Variants in CADPS2 observed in about 807,000 individuals in gnomAD.
CADPS2 encodes the protein calcium dependent secretion activator 2.
Under a neutral mutation model 172.5 loss-of-function variants are expected in CADPS2, and 93 were observed. The ratio of observed to expected loss-of-function variants is 0.54; its 90% CI spans 0.46 to 0.64. CADPS2 has a LOEUF of 0.64. CADPS2 is among the 30% of genes least tolerant of loss of function. CADPS2 has a pLI of 0.00. For missense variants in CADPS2, 1,420 were observed against 1,565.9 expected, an observed-to-expected ratio of 0.91 and a Z score of 1.57; for synonymous variants, 546 against 555.2, an observed-to-expected ratio of 0.98 and a Z score of 0.23.
intron 19 of CADPS2, among the ~76,000 whole-genome samples, chr7:122,408,558 G>C (rs1378741212): frequency 6.6e-6 from 1 of 152,034 alleles, no homozygotes; most frequent in Non-Finnish European, 1.5e-5. Flanking sequence ...CCAAGTAGCT[G>C]GGACCACAGA....
At chr7:122,347,679 G>A (rs575267633) in intron 27 of CADPS2, among the ~76,000 whole-genome samples, 8 of 152,188 alleles carry the variant, frequency 5.3e-5, no homozygotes, top group African/African-American at 1.9e-4. Flanking sequence ...ATTCTCATGA[G>A]CAATGTTTGA....
At chr7:122,335,036 T>G (rs769273127) in intron 28 of CADPS2, among the ~76,000 whole-genome samples, 1 of 152,084 alleles carries the variant, frequency 6.6e-6, no homozygotes. Flanking sequence ...TCCTATTGAG[T>G]AATTGTGACA....
intron 14 of CADPS2, among the ~76,000 whole-genome samples, chr7:122,461,460 T>C (rs1214185103): frequency 6.6e-6 from 1 of 151,994 alleles, no homozygotes; most frequent in Non-Finnish European, 1.5e-5. Flanking sequence ...AAGAAATCCA[T>C]ACAAAGAAAC....
At chr7:122,709,715 C>T (rs142770306) in intron 2 of CADPS2, among the ~76,000 whole-genome samples, 5 of 151,894 alleles carry the variant, frequency 3.3e-5, no homozygotes, top group Non-Finnish European at 5.9e-5. Context: ...CACCATGGAA[C>T]ACTATGCAGC....
rs1488935992 is a variant in CADPS2 at position 122,653,004 on chromosome 7, G to T, written c.786+10233C>A. 2.0e-5 allele frequency among the ~76,000 whole-genome samples: 3 copies of T among 152,106 alleles called. No homozygotes were observed. The South Asian group carries it at 6.2e-4, about 32-fold the overall frequency. On this transcript the variant is annotated intron_variant, in intron 3 of 29. Transcript: ENST00000449022. ...AGCCTTTTTCAGAAGAGAGTTTCCT[G>T]TTTTTCCACTCCTGATGCTAATCCT...
intron 3 of CADPS2, among the ~76,000 whole-genome samples, chr7:122,631,688 T>C (rs529069478): frequency 8.9e-6 from 1 of 112,042 alleles, no homozygotes; most frequent in Non-Finnish European, 1.9e-5. Context: ...CACTACATTG[T>C]CTTTTCTTTT....
At chr7:122,575,410 C>A (rs1282572939) in intron 7 of CADPS2, among the ~76,000 whole-genome samples, 2 of 150,878 alleles carry the variant, frequency 1.3e-5, no homozygotes, top group Non-Finnish European at 3.0e-5. Context: ...AGGAAATGTT[C>A]AATTCTTTTT....
At chr7:122,763,618 A>G (rs2093459356) in intron 1 of CADPS2, among the ~76,000 whole-genome samples, 1 of 152,166 alleles carries the variant, frequency 6.6e-6, no homozygotes, top group Non-Finnish European at 1.5e-5. Flanking sequence ...ATTTTAATTC[A>G]TAGTGCTTGG....
intron 14 of CADPS2, among the ~76,000 whole-genome samples, chr7:122,470,485 T>C (rs909851530): frequency 1.3e-5 from 2 of 151,850 alleles, no homozygotes; most frequent in African/African-American, 2.4e-5. Flanking sequence ...CAGATTTTTA[T>C]TTATTTTTTA....
intron 27 of CADPS2, among the ~76,000 whole-genome samples, chr7:122,352,019 C>A (rs2151045417): frequency 1.3e-5 from 2 of 152,244 alleles, no homozygotes; most frequent in African/African-American, 4.8e-5. Flanking sequence ...CTCAAGGGGA[C>A]AAGGTAATTT....
At chr7:122,664,961 ATTTTTT>A (rs3034542) in intron 2 of CADPS2, among the ~76,000 whole-genome samples, 1 of 135,608 alleles carries the variant, frequency 7.4e-6, no homozygotes. Context: ...TAGTTTTTGT[ATTTTTT>A]TTTTTTTTTT....
chr7:122,725,886 G>A (rs1392036705), intron 2 of CADPS2, among the ~76,000 whole-genome samples: 6 of 151,866 alleles, frequency 4.0e-5, no homozygotes, highest in Non-Finnish European at 8.8e-5. Flanking sequence ...AACACGCCCT[G>A]CAGGACGCCT....
chr7:122,708,086 C>T (rs1295617345), intron 2 of CADPS2, among the ~76,000 whole-genome samples: 1 of 151,624 alleles, frequency 6.6e-6, no homozygotes, highest in Admixed American at 6.6e-5. Flanking sequence ...TCCATTTGTC[C>T]TCCTGTTGCA....
chr7:122,416,110 G>A lies in CADPS2; in HGVS notation c.2531C>T (p.Ala844Val). 1 of 1,554,198 alleles carries A rather than the reference G, an allele frequency of 6.4e-7. No individual in the cohort carries two copies. The change falls in exon 18 of 30, where the codon GCA becomes GTA. Residue 844 changes from alanine to valine, a missense_variant. Coordinates refer to ENST00000449022, the MANE Select transcript of CADPS2 (RefSeq NM_017954.11). Reference sequence around the variant, plus strand: ...CTGTAAGACTTCTATGCAGAGCTCTGCCAGATGAAGAATCTCTTCCAGCTT... The same window carrying A: ...CTGTAAGACTTCTATGCAGAGCTCTACCAGATGAAGAATCTCTTCCAGCTT... Reference protein sequence around the residue: ...ARKLEEILHLAELCIEVLQQN... With the variant: ...ARKLEEILHLVELCIEVLQQN...
chr7:122,878,418 C>T (rs1821877601), intron 1 of CADPS2, among the ~76,000 whole-genome samples: 1 of 151,772 alleles, frequency 6.6e-6, no homozygotes, highest in Non-Finnish European at 1.5e-5. Context: ...TTTGGGAGGC[C>T]GAGGTGGGCG....
intron 1 of CADPS2, among the ~76,000 whole-genome samples, chr7:122,772,567 T>C (rs1434752490): frequency 1.3e-5 from 2 of 152,174 alleles, no homozygotes; most frequent in Non-Finnish European, 2.9e-5. Flanking sequence ...AATCAACAGC[T>C]TTCCTGTATA....
chr7:122,377,198 A>C (rs2042461784), intron 25 of CADPS2, among the ~76,000 whole-genome samples: 1 of 152,148 alleles, frequency 6.6e-6, no homozygotes, highest in Non-Finnish European at 1.5e-5. Context: ...CCACATTTCA[A>C]GTACTCCACA....
At chr7:122,360,521 C>T (rs113972497) in intron 27 of CADPS2, among the ~76,000 whole-genome samples, 70 of 152,270 alleles carry the variant, frequency 4.6e-4, no homozygotes, top group African/African-American at 1.6e-3. Context: ...CTACCCCATC[C>T]TAGAGTGCTA....
chr7:122,751,505 C>G (rs1044762321), intron 1 of CADPS2, among the ~76,000 whole-genome samples: 3 of 152,154 alleles, frequency 2.0e-5, no homozygotes, highest in African/African-American at 7.2e-5. Flanking sequence ...CTCCCTGAAT[C>G]TTGCAGAATG....
Sources: allele counts gnomAD v4.1 joint callset (sites outside exome capture counted in the v4.1 genomes callset), GRCh38; gene constraint gnomAD v4.1.1; transcripts MANE v1.5; gene names NCBI Gene and HGNC (gene_info 2026-07-23, HGNC 2026-07-21).